SAMD3: variants seen among roughly 807,000 people sequenced by gnomAD.
The protein encoded by SAMD3 is sterile alpha motif domain containing 3.
Under a neutral mutation model 58.5 loss-of-function variants are expected in SAMD3, and 63 were observed. That is an observed-to-expected ratio of 1.08 (90% CI 0.88 to 1.33). The LOEUF is 1.33. Ranked by LOEUF, SAMD3 falls within the 40% of genes most tolerant of loss-of-function variation. The pLI is 0.00. For missense variants in SAMD3, 604 were observed against 608.4 expected (o/e 0.99, Z 0.08); for synonymous variants, 220 against 210.3 (o/e 1.05, Z -0.40).
At chr6:130,239,935 A>C (rs1773297681) in intron 2 of SAMD3, among the ~76,000 whole-genome samples, 1 of 152,190 alleles carries the variant, frequency 6.6e-6, no homozygotes, top group Admixed American at 6.5e-5. Context: ...GTCCAAGCTC[A>C]GCTTCCCAGA....
At chr6:130,324,802 A>C (rs1157913792) in intron 1 of SAMD3, among the ~76,000 whole-genome samples, 2 of 151,062 alleles carry the variant, frequency 1.3e-5, no homozygotes, top group Non-Finnish European at 1.5e-5. Context: ...GAAAAATGTT[A>C]ACTCATTCAC....
chr6:130,182,531 AAAGGAAGGAAGGAAAG>A (rs1331704207), intron 7 of SAMD3, among the ~76,000 whole-genome samples: 13 of 151,630 alleles, frequency 8.6e-5, no homozygotes, highest in Non-Finnish European at 2.9e-5. Flanking sequence ...AAGAAGGAAG[AAAGGAAGGAAGGAAAG>A]AAGGAAGGAA....
At chr6:130,150,891 T>G (rs1476481675) in intron 9 of SAMD3, among the ~76,000 whole-genome samples, 1 of 151,990 alleles carries the variant, frequency 6.6e-6, no homozygotes, top group Admixed American at 6.6e-5. Context: ...TTTGTATTTT[T>G]AGTAGAGACA....
At chr6:130,204,759 C>A (rs1021292514) in intron 5 of SAMD3, among the ~76,000 whole-genome samples, 1 of 126,528 alleles carries the variant, frequency 7.9e-6, no homozygotes, top group African/African-American at 3.1e-5. Context: ...AGGTGAATTT[C>A]CAGGCCTTTT....
chr6:130,362,146 C>T (rs578100437), intron 1 of SAMD3, among the ~76,000 whole-genome samples: 5 of 152,190 alleles, frequency 3.3e-5, no homozygotes, highest in Admixed American at 2.0e-4. Flanking sequence ...ATAAGCAGAG[C>T]ACCAGGGAAG....
At chr6:130,312,080 C>T (rs1419127039) in intron 2 of SAMD3, among the ~76,000 whole-genome samples, 1 of 152,192 alleles carries the variant, frequency 6.6e-6, no homozygotes, top group Non-Finnish European at 1.5e-5. Flanking sequence ...ACAAACACCT[C>T]TTCCTTCCTA....
intron 2 of SAMD3, among the ~76,000 whole-genome samples, chr6:130,291,379 ACAGGTGTGAGCCACCATGCC>A (rs1775355549): frequency 1.3e-5 from 2 of 152,226 alleles, no homozygotes; most frequent in African/African-American, 4.8e-5. Flanking sequence ...TGCTGGGATT[ACAGGTGTGAGCCACCATGCC>A]CAGCCGATAA....
chr6:130,349,701 T>C (rs1278765292), intron 1 of SAMD3, among the ~76,000 whole-genome samples: 1 of 152,074 alleles, frequency 6.6e-6, no homozygotes, highest in Admixed American at 6.6e-5. Context: ...AAAGAGGGAA[T>C]CCTCCCTAAC....
intron 7 of SAMD3, among the ~76,000 whole-genome samples, chr6:130,180,284 CTAATT>C: frequency 8.4e-6 from 1 of 118,740 alleles, no homozygotes; most frequent in African/African-American, 3.2e-5. Flanking sequence ...CCATACCTGG[CTAATT>C]TTTTTTTTTT....
intron 7 of SAMD3, among the ~76,000 whole-genome samples, chr6:130,182,633 G>GGGGA (rs1180747756): frequency 6.7e-6 from 1 of 149,640 alleles, no homozygotes; most frequent in African/African-American, 2.5e-5. Flanking sequence ...GAAGGAGGGA[G>GGGGA]GGGAGGGAGG....
intron 2 of SAMD3, among the ~76,000 whole-genome samples, chr6:130,244,905 T>C (rs1773490478): frequency 1.3e-5 from 2 of 152,122 alleles, no homozygotes; most frequent in Non-Finnish European, 2.9e-5. Context: ...CCTCAGTAAA[T>C]GTTTGCCATT....
At chr6:130,267,438 C>T (rs55890213) in intron 2 of SAMD3, among the ~76,000 whole-genome samples, 2,227 of 152,098 alleles carry the variant, frequency 0.015, 55 homozygotes, top group African/African-American at 0.046. Flanking sequence ...CACAGGAAGA[C>T]GTAAGTAGTG....
upstream of SAMD3, among the ~76,000 whole-genome samples, chr6:130,227,559 G>A (rs867369505): frequency 1.3e-5 from 2 of 152,132 alleles, no homozygotes; most frequent in Non-Finnish European, 2.9e-5. Flanking sequence ...AGGCCAAGGT[G>A]GGTGGATTGC....
At chr6:130,329,423 G>A (rs1285117844) in intron 1 of SAMD3, among the ~76,000 whole-genome samples, 3 of 152,116 alleles carry the variant, frequency 2.0e-5, no homozygotes, top group Non-Finnish European at 4.4e-5. Flanking sequence ...GATGGCAGTA[G>A]AATGAAATTT....
intron 8 of SAMD3, among the ~76,000 whole-genome samples, chr6:130,174,950 A>T (rs568281162): frequency 6.6e-6 from 1 of 152,252 alleles, no homozygotes; most frequent in Admixed American, 6.5e-5. Flanking sequence ...TATAACTAGC[A>T]CTAGTAAAAC....
intron 1 of SAMD3, among the ~76,000 whole-genome samples, chr6:130,358,467 T>C (rs948511181): frequency 2.0e-5 from 3 of 152,194 alleles, no homozygotes; most frequent in Admixed American, 6.5e-5. Flanking sequence ...AATGTGAAGG[T>C]GAACTTCCAA....
intron 2 of SAMD3, among the ~76,000 whole-genome samples, chr6:130,291,808 G>T (rs12211796): frequency 0.28 from 42,329 of 151,988 alleles, 6,360 homozygotes; most frequent in East Asian, 0.45. Context: ...TTAATTATGG[G>T]TTCTCCTTCA....
intron 5 of SAMD3, among the ~76,000 whole-genome samples, chr6:130,204,215 T>A (rs914422723): frequency 5.9e-5 from 9 of 152,188 alleles, no homozygotes; most frequent in Non-Finnish European, 1.3e-4. Context: ...CCTGTTTATC[T>A]ACTTTCATGC....
chr6:130,341,131 G>C (rs1375866160), intron 1 of SAMD3, among the ~76,000 whole-genome samples: 1 of 148,684 alleles, frequency 6.7e-6, no homozygotes, highest in Non-Finnish European at 1.5e-5. Context: ...TGCTGTGAAA[G>C]AAACACAGAG....
Sources: allele counts gnomAD v4.1 joint callset (sites outside exome capture counted in the v4.1 genomes callset), GRCh38; gene constraint gnomAD v4.1.1; transcripts MANE v1.5; gene names NCBI Gene and HGNC (gene_info 2026-07-23, HGNC 2026-07-21).